The following NEDD1 variants were observed in gnomAD, a reference collection of about 807,000 sequenced individuals.
NEDD1 encodes the protein NEDD1 gamma-tubulin ring complex targeting factor.
In NEDD1, 33 loss-of-function variants were observed where a neutral mutation model predicts 74.0. The ratio of observed to expected loss-of-function variants is 0.45; its 90% CI spans 0.34 to 0.60. The LOEUF (loss-of-function observed/expected upper bound fraction) is 0.60, where lower values mean the gene tolerates loss of function less well. NEDD1 is among the 20% of genes least tolerant of loss of function. The probability of loss-of-function intolerance (pLI) is 0.01; values close to 1 mark genes in which losing one functional copy is unlikely to be tolerated. For synonymous variants in NEDD1, 250 were observed against 264.4 expected, an observed-to-expected ratio of 0.95 and a Z score of 0.53; for missense variants, 746 against 776.5, an observed-to-expected ratio of 0.96 and a Z score of 0.47.
intron 6 of NEDD1, among the ~76,000 whole-genome samples, chr12:96,932,019 A>G (rs1000088472): frequency 1.3e-5 from 2 of 152,116 alleles, no homozygotes; most frequent in Non-Finnish European, 2.9e-5. Context: ...CTTTTCATCT[A>G]TATATTGTCT....
intron 8 of NEDD1, 31 bp from the exon 9 acceptor site, chr12:96,937,167 C>T (rs1877197651): frequency 1.5e-6 from 2 of 1,312,884 alleles, no homozygotes; most frequent in Non-Finnish European, 2.1e-6. Context: ...CATTAGTAAC[C>T]TGAGCTTTTA....
intron 6 of NEDD1, among the ~76,000 whole-genome samples, chr12:96,923,983 A>G (rs1875413915): frequency 6.6e-6 from 1 of 152,224 alleles, no homozygotes; most frequent in South Asian, 2.1e-4. Flanking sequence ...TGAAGATACT[A>G]TTCTGTGTTT....
chr12:96,948,111 G>A (rs937184189), intron 14 of NEDD1, among the ~76,000 whole-genome samples: 3 of 152,128 alleles, frequency 2.0e-5, no homozygotes, highest in African/African-American at 7.2e-5. Flanking sequence ...TCCCGTGGCT[G>A]CCATCTTCTC....
chr12:96,937,432 T>G (rs775280127), intron 9 of NEDD1, 39 bp downstream of exon 9: 2 of 1,165,232 alleles, frequency 1.7e-6, no homozygotes, highest in East Asian at 5.6e-5. Context: ...GTTGGTTTGT[T>G]TTTTTTTTGT....
At chr12:96,950,825 T>C (rs1259714779) in intron 14 of NEDD1, among the ~76,000 whole-genome samples, 1 of 151,880 alleles carries the variant, frequency 6.6e-6, no homozygotes, top group Non-Finnish European at 1.5e-5. Flanking sequence ...AGTTGTGTGG[T>C]GGGTGACTGA....
intron 6 of NEDD1, chr12:96,924,718 T>G: frequency 3.1e-6 from 1 of 325,036 alleles, no homozygotes; most frequent in South Asian, 2.6e-5. Context: ...TGAAAGAATT[T>G]GTAGTATTTA....
chr12:96,922,171 C>T (rs989592932), intron 6 of NEDD1, among the ~76,000 whole-genome samples: 1 of 152,130 alleles, frequency 6.6e-6, no homozygotes. Context: ...TAGAGGTAAT[C>T]TCGCTTTCTG....
At chr12:96,932,458 AAAAAAATAT>A (rs1876602972) in intron 6 of NEDD1, among the ~76,000 whole-genome samples, 1 of 51,726 alleles carries the variant, frequency 1.9e-5, no homozygotes, top group Admixed American at 2.7e-4. Context: ...AAAAAAAAAA[AAAAAAATAT>A]ATATATATAT....
At chr12:96,929,070 T>G (rs906402462) in intron 6 of NEDD1, among the ~76,000 whole-genome samples, 3 of 151,934 alleles carry the variant, frequency 2.0e-5, no homozygotes, top group African/African-American at 7.2e-5. Context: ...TTTAGTATTC[T>G]TTTTCTCTCT....
chr12:96,949,369 A>T (rs995262163), intron 14 of NEDD1, among the ~76,000 whole-genome samples: 1 of 152,230 alleles, frequency 6.6e-6, no homozygotes, highest in African/African-American at 2.4e-5. Context: ...GTTACTTGGG[A>T]ATAAATCTAC....
chr12:96,945,785 C>T lies in NEDD1; in HGVS notation c.1747C>T (p.Pro583Ser), dbSNP rs1443360681. 6.2e-7 allele frequency: 1 copy of T among 1,611,024 alleles called. No homozygotes were observed. The highest frequency in any genetic ancestry group is 1.3e-5 in the African/African-American group (1 of 74,846). Residue 583 changes from proline to serine, a missense_variant, in exon 14 of 16, where the codon CCA becomes TCA. This residue lies in a region of NEDD1 where 706 missense variants were observed against 706.7 expected (regional missense o/e 1.00). Coordinates refer to ENST00000266742, the MANE Select transcript of NEDD1 (RefSeq NM_152905.4). ...CATTGGAAATAACCGGCAAAATGCA[C>T]CATTGACTTCCATTCAAATTCGTTT... ...DSIGNNRQNAPLTSIQIRFIQ... is the reference protein window; with the variant it reads ...DSIGNNRQNASLTSIQIRFIQ...
Position 96,945,807 on chromosome 12 carries a change from G to A in NEDD1, c.1769G>A (p.Arg590His), listed in dbSNP as rs1205272373. The A allele has an allele frequency of 3.7e-6, 6 of 1,611,964 alleles. No individual in the cohort carries two copies. Among genetic ancestry groups the A allele is most frequent in the Non-Finnish European group, 5.1e-6 (6 of 1,178,384 alleles). Residue 590 changes from arginine (R) to histidine (H), a missense_variant, in exon 14 of 16, where the codon CGT becomes CAT. Around this residue, in one of 3 missense-constraint regions of NEDD1, gnomAD observed 706 missense variants for 706.7 expected, o/e 1.00. Transcript: ENST00000266742. ...QNAPLTSIQI[R>H]FIQNMIQETL... is the part of the protein sequence containing the mutation. The stretch of plus-strand genomic sequence containing the variant: ...GCACCATTGACTTCCATTCAAATTC[G>A]TTTTATTCAGAACATGATACAGGAA...
chr12:96,926,908 G>T (rs1592889167), intron 6 of NEDD1, among the ~76,000 whole-genome samples: 1 of 151,708 alleles, frequency 6.6e-6, no homozygotes, highest in African/African-American at 2.4e-5. Context: ...GAGAGATTGA[G>T]CCTGGGAGGT....
In NEDD1 at chr12:96,909,880, T is replaced by C. The variant is rs1259466802; in HGVS notation, c.121T>C (p.Cys41Arg). 2 of 1,607,758 alleles carry C rather than the reference T, an allele frequency of 1.2e-6. No individual in the cohort carries two copies. Among genetic ancestry groups the C allele is most frequent in the African/African-American group, 1.4e-5 (1 of 73,964 alleles). ...HTSPHGISSI[C>R]WSSNNNFLVT... Reference sequence around the variant, plus strand: ...ATCACCACATGGAATCAGCTCAATATGTTGGAGCAGCAATAGTATCCTTTA... The same window carrying C: ...ATCACCACATGGAATCAGCTCAATACGTTGGAGCAGCAATAGTATCCTTTA... The change falls in exon 3 of 16, where the codon TGT becomes CGT. Residue 41 changes from cysteine to arginine, a missense_variant. By Grantham distance (180) the Cys-to-Arg change is radical (BLOSUM62 -3). Around this residue, in one of 3 missense-constraint regions of NEDD1, gnomAD observed 706 missense variants for 706.7 expected, o/e 1.00. Coordinates refer to ENST00000266742, the MANE Select transcript of NEDD1 (RefSeq NM_152905.4).
rs138059846 is a variant in NEDD1 at position 96,909,845 on chromosome 12, A to G, written c.86A>G (p.Asn29Ser). ...ASSMTLVDKFNPHTSPHGISS... is the reference protein window; with the variant it reads ...ASSMTLVDKFSPHTSPHGISS... ...TCTATGACATTGGTGGATAAATTCA[A>G]CCCACACACATCACCACATGGAATC... Residue 29 changes from asparagine to serine, a missense_variant, in exon 3 of 16, where the codon AAC becomes AGC. By Grantham distance (46) the Asn-to-Ser change is conservative. Transcript: ENST00000266742. The G allele has an allele frequency of 3.2e-5, 52 of 1,613,826 alleles. No individual in the cohort carries two copies. Among genetic ancestry groups the G allele is most frequent in the Non-Finnish European group, 4.3e-5 (51 of 1,179,956 alleles).
chr12:96,918,527 A>G lies in NEDD1; in HGVS notation c.348+790A>G, dbSNP rs573070850. On this transcript the variant is annotated intron_variant, in intron 5 of 15. Transcript: ENST00000266742. The stretch of plus-strand genomic sequence containing the variant: ...ATGGCAAAATTTGATGATTTTTTCC[A>G]TTTTCAGCTTTCTCAATTACTCTGG... 7.2e-5 allele frequency among the ~76,000 whole-genome samples: 11 copies of G among 152,112 alleles called. No individual in the cohort carries two copies. In the South Asian group the frequency reaches 2.3e-3, roughly 32 times the overall value.
At position 96,924,517 on chromosome 12, in the gene NEDD1, A is replaced by G. The variant is rs560961863; in HGVS notation, c.489+4392A>G. 1.6e-3 allele frequency among the ~76,000 whole-genome samples: 247 copies of G among 152,296 alleles called. 2 individuals are homozygous for G. The highest frequency in any genetic ancestry group is 5.6e-3 in the African/African-American group (233 of 41,570). On this transcript the variant is annotated intron_variant, in intron 6 of 15. Transcript: ENST00000266742. ...TTTGTTTTTACTGTAGAGGGCTTGC[A>G]TATCTTTTAGTAGATTTATTACCAT... is the stretch of plus-strand genomic sequence containing the variant.
intron 2 of NEDD1, 117 bp downstream of exon 2, chr12:96,907,973 T>C (rs1315722807): frequency 9.2e-6 from 8 of 865,330 alleles, no homozygotes; most frequent in Non-Finnish European, 1.2e-5. Flanking sequence ...CCAGTTTTTC[T>C]GAGCCCAGGC....
At chr12:96,931,537 T>C (rs1876467592) in intron 6 of NEDD1, among the ~76,000 whole-genome samples, 1 of 152,188 alleles carries the variant, frequency 6.6e-6, no homozygotes, top group South Asian at 2.1e-4. Flanking sequence ...ATTTCATATT[T>C]TCAACTGAGA....
Sources: allele counts gnomAD v4.1 joint callset (sites outside exome capture counted in the v4.1 genomes callset), GRCh38; gene constraint gnomAD v4.1.1; regional missense constraint gnomAD v4.1.1; transcripts MANE v1.5; gene names NCBI Gene and HGNC (gene_info 2026-07-23, HGNC 2026-07-21).